MCF2L: variants seen among roughly 807,000 people sequenced by gnomAD.
The protein encoded by MCF2L is MCF.2 cell line derived transforming sequence like, also known as guanine nucleotide exchange factor DBS.
In MCF2L, 97 loss-of-function variants were observed where a neutral mutation model predicts 153.4. The observed-to-expected ratio is 0.63, with a 90% CI of 0.54 to 0.75. The LOEUF (loss-of-function observed/expected upper bound fraction) is 0.75. Among genes scored for constraint, MCF2L ranks in the 30% least tolerant of loss-of-function variants. MCF2L has a pLI of 0.00. For synonymous variants in MCF2L, 659 were observed against 632.2 expected, an observed-to-expected ratio of 1.04 and a Z score of -0.64; for missense variants, 1,347 against 1,495.2, an observed-to-expected ratio of 0.90 and a Z score of 1.64.
intron 1 of MCF2L, among the ~76,000 whole-genome samples, chr13:113,011,117 A>G (rs907406669): frequency 3.2e-4 from 49 of 152,208 alleles, no homozygotes; most frequent in Non-Finnish European, 2.9e-5. Context: ...CCGCCTGCAG[A>G]AGGCCTCCAT....
At chr13:113,071,037 C>A (rs958215759) in intron 9 of MCF2L, among the ~76,000 whole-genome samples, 23 of 152,096 alleles carry the variant, frequency 1.5e-4, no homozygotes, top group Admixed American at 1.3e-4. Flanking sequence ...CTAGTTGCTT[C>A]CCCTTTCCCC....
intron 1 of MCF2L, among the ~76,000 whole-genome samples, chr13:112,998,833 A>G (rs2083246393): frequency 6.6e-6 from 1 of 152,130 alleles, no homozygotes; most frequent in Admixed American, 6.5e-5. Flanking sequence ...GCGAGCTCCC[A>G]CGGCCCTTGG....
At chr13:112,978,039 A>G (rs368348237) in intron 1 of MCF2L, among the ~76,000 whole-genome samples, 19 of 152,360 alleles carry the variant, frequency 1.2e-4, no homozygotes, top group Admixed American at 9.1e-4. Flanking sequence ...ATGCCACTGC[A>G]TTCCAATCTG....
intron 2 of MCF2L, among the ~76,000 whole-genome samples, chr13:113,022,444 G>A (rs2141264228): frequency 6.8e-6 from 1 of 148,076 alleles, no homozygotes; most frequent in African/African-American, 2.5e-5. Flanking sequence ...AGGGACGCAG[G>A]GGGTCTCACA....
intron 2 of MCF2L, among the ~76,000 whole-genome samples, chr13:112,924,925 G>C (rs1474170549): frequency 6.6e-6 from 1 of 152,194 alleles, no homozygotes; most frequent in African/African-American, 2.4e-5. Context: ...AGCAAATCAG[G>C]CTGCCTGGGG....
intron 2 of MCF2L, chr13:112,956,153 G>A (rs2081754615): frequency 6.5e-6 from 1 of 153,374 alleles, no homozygotes; most frequent in African/African-American, 2.4e-5. Flanking sequence ...TCCCTGGTCC[G>A]CAGAGGCCGG....
chr13:113,061,687 C>T (rs1466701505), intron 5 of MCF2L, among the ~76,000 whole-genome samples: 1 of 112,188 alleles, frequency 8.9e-6, no homozygotes, highest in Admixed American at 8.8e-5. Context: ...TGCCCCCTTC[C>T]CCTCCCCTCC....
chr13:113,060,601 C>G lies in MCF2L; in HGVS notation c.378C>G (p.Phe126Leu). Reference protein sequence around the residue: ...KASVLRIAASFPANLQLVLVL... With the variant: ...KASVLRIAASLPANLQLVLVL... ...CTCGCCCTCTCTCACAGGCATCTTT[C>G]CCGGCAAACCTGCAGCTCGTCCTCG... The change falls in exon 5 of 30, where the codon TTC becomes TTG. Residue 126 changes from phenylalanine (F) to leucine (L), a missense_variant. Phe to Leu is a conservative substitution (Grantham distance 22, BLOSUM62 0). Around this residue, in one of 3 missense-constraint regions of MCF2L, gnomAD observed 820 missense variants for 921.2 expected, o/e 0.89. Coordinates refer to ENST00000535094, the MANE Select transcript of MCF2L (RefSeq NM_001112732.3). 6.2e-7 allele frequency: 1 copy of G among 1,613,116 alleles called. No homozygotes were observed. The highest frequency in any genetic ancestry group is 8.5e-7 in the Non-Finnish European group (1 of 1,179,956).
Position 113,064,435 on chromosome 13 carries a change from G to C in MCF2L, c.606+15G>C, listed in dbSNP as rs532652036. 1 of 1,552,034 alleles carries C rather than the reference G, an allele frequency of 6.4e-7. No individual in the cohort carries two copies. On this transcript the variant is annotated intron_variant, in intron 6 of 29. Transcript: ENST00000535094. The surrounding 1 kb of genome is among the most constrained non-coding windows in gnomAD (Gnocchi z 6.0). The stretch of plus-strand genomic sequence containing the variant: ...GCCAGCGCACGGTGAGCCGCGTCGG[G>C]GCCAGCGGGGCTGGCTGATACCAGC...
intron 21 of MCF2L, 83 bp downstream of exon 21, chr13:113,086,332 C>A: frequency 6.4e-7 from 1 of 1,562,452 alleles, no homozygotes; most frequent in Non-Finnish European, 8.6e-7. Context: ...CCTGCACACG[C>A]CCCTCGCTTT....
chr13:113,066,009 G>A (rs1352046765), intron 7 of MCF2L, 37 bp from the exon 8 acceptor site: 1 of 1,603,234 alleles, frequency 6.2e-7, no homozygotes, highest in Non-Finnish European at 8.5e-7. Flanking sequence ...TGTGTGCCTG[G>A]ACGGGGCCGG....
Position 113,074,881 on chromosome 13 carries a change from A to G in MCF2L, c.1117-117A>G. 3 of 963,464 alleles carry G rather than the reference A, an allele frequency of 3.1e-6. No individual in the cohort carries two copies. Among genetic ancestry groups the G allele is most frequent in the Non-Finnish European group, 4.7e-6 (3 of 643,430 alleles). 59.7% of individuals were successfully genotyped at this position (963,464 alleles called of 1,614,324 possible). ...AAGCAGCATCTCAGGCATCCGCAGC[A>G]GTAAACAAAGAAATCAAGACACACG... is the stretch of plus-strand genomic sequence containing the variant. On this transcript the variant is annotated intron_variant, in intron 10 of 29. Transcript: ENST00000535094. The surrounding 1 kb of genome is among the most constrained non-coding windows in gnomAD (Gnocchi z 4.2).
chr13:112,988,482 A>G (rs9577184), intron 1 of MCF2L, among the ~76,000 whole-genome samples: 3,148 of 152,068 alleles, frequency 0.021, 95 homozygotes, highest in East Asian at 0.1. Flanking sequence ...GCCTGGAGGG[A>G]CGTTCTGTCC....
intron 2 of MCF2L, among the ~76,000 whole-genome samples, chr13:112,931,784 CAAACA>C (rs1051929742): frequency 2.0e-5 from 3 of 152,126 alleles, no homozygotes; most frequent in African/African-American, 4.8e-5. Context: ...AGGAACAAAA[CAAACA>C]AAACAAAACC....
At position 113,096,663 on chromosome 13, in the gene MCF2L, A is replaced by C. The variant is rs759729246; in HGVS notation, c.3292+10A>C. On this transcript the variant is annotated intron_variant, in intron 29 of 29. Transcript: ENST00000535094. ...TGCCTGAGCAGCTCAGGTAAGGCCCACGTGCCCCGAGCCCACCCGTGACGC... is the reference window on the plus strand; with the variant it reads ...TGCCTGAGCAGCTCAGGTAAGGCCCCCGTGCCCCGAGCCCACCCGTGACGC... 1 of 1,576,930 alleles carries C rather than the reference A, an allele frequency of 6.3e-7. No homozygotes were observed. The highest frequency in any genetic ancestry group is 1.1e-5 in the South Asian group (1 of 87,654).
chr13:112,982,363 G>C (rs1311600836), intron 1 of MCF2L, among the ~76,000 whole-genome samples: 2 of 152,206 alleles, frequency 1.3e-5, no homozygotes, highest in Admixed American at 1.3e-4. Flanking sequence ...GCCAAGGGTG[G>C]CCGCATCCAT....
At position 113,087,349 on chromosome 13, in the gene MCF2L, C is replaced by T. The variant is rs749679798; in HGVS notation, c.2488C>T (p.Arg830Trp). ...GCTGGCCAGGTTCAAGCCCATGCAG[C>T]GGCACCTGTTCCTGCACGAGAAGGC... ...KELARFKPMQ[R>W]HLFLHEKAVL... Residue 830 changes from arginine (R) to tryptophan (W), a missense_variant, in exon 22 of 30, where the codon CGG becomes TGG. By Grantham distance (101) the Arg-to-Trp change is moderately radical (BLOSUM62 -3). Transcript: ENST00000535094. 2 of 1,613,368 alleles carry T rather than the reference C, an allele frequency of 1.2e-6. No individual in the cohort carries two copies. Among genetic ancestry groups the T allele is most frequent in the Non-Finnish European group, 1.7e-6 (2 of 1,180,012 alleles).
intron 1 of MCF2L, among the ~76,000 whole-genome samples, chr13:112,975,464 C>G (rs1399639462): frequency 6.6e-6 from 1 of 152,200 alleles, no homozygotes; most frequent in Admixed American, 6.5e-5. Flanking sequence ...CAGGAGAGCA[C>G]CTACCTGCTA....
At chr13:113,075,230 G>T (rs375795395) in intron 11 of MCF2L, 41 bp downstream of exon 11, 2 of 1,531,032 alleles carry the variant, frequency 1.3e-6, no homozygotes, top group East Asian at 2.3e-5. Context: ...CCCCAGCTGC[G>T]GAACCAGCCT....
Sources: gnomAD v4.1 joint callset for allele counts (sites outside exome capture counted in the v4.1 genomes callset) on GRCh38, gnomAD v4.1.1 for gene constraint, gnomAD v4.1.1 regional missense constraint, Gnocchi (gnomAD v3.1) non-coding constraint, MANE v1.5 for transcripts, NCBI Gene and HGNC (gene_info 2026-07-23, HGNC 2026-07-21) for gene names.